MYO16: variants seen among roughly 807,000 people sequenced by gnomAD.
MYO16 encodes myosin XVI, also known as unconventional myosin-XVI.
MYO16 carries 94 observed loss-of-function variants against 205.3 expected under a neutral mutation model. That is an observed-to-expected ratio of 0.46 (90% CI 0.39 to 0.54). The LOEUF is 0.54. MYO16 is among the 20% of genes least tolerant of loss of function. The probability of loss-of-function intolerance (pLI) is 0.00; values close to 1 mark genes in which losing one functional copy is unlikely to be tolerated. For missense variants in MYO16, 2,315 were observed against 2,387.5 expected, an observed-to-expected ratio of 0.97 and a Z score of 0.63; for synonymous variants, 988 against 954.0, an observed-to-expected ratio of 1.04 and a Z score of -0.66.
intron 6 of MYO16, among the ~76,000 whole-genome samples, chr13:108,803,817 A>G (rs543143640): frequency 6.6e-6 from 1 of 152,312 alleles, no homozygotes; most frequent in South Asian, 2.1e-4. Flanking sequence ...AGCCATGGGA[A>G]GGCCAAAGCA....
the MYO16 span, among the ~76,000 whole-genome samples, chr13:108,553,398 A>G: frequency 6.6e-6 from 1 of 152,198 alleles, no homozygotes; most frequent in African/African-American, 2.4e-5. Context: ...AGGCTCTTTT[A>G]TATTTACCCT....
chr13:108,996,704 A>T (rs1357816379), intron 21 of MYO16, among the ~76,000 whole-genome samples: 1 of 152,168 alleles, frequency 6.6e-6, no homozygotes, highest in Non-Finnish European at 1.5e-5. Context: ...GATGGAGGTT[A>T]TTACATTATT....
At chr13:108,818,347 G>T (rs1875752878) in intron 7 of MYO16, among the ~76,000 whole-genome samples, 1 of 150,208 alleles carries the variant, frequency 6.7e-6, no homozygotes, top group Admixed American at 6.7e-5. Flanking sequence ...TGGCGCCACT[G>T]CACTCCAGCC....
At chr13:108,607,897 C>T (rs538565130) in intron 1 of MYO16, among the ~76,000 whole-genome samples, 30 of 152,302 alleles carry the variant, frequency 2.0e-4, no homozygotes, top group African/African-American at 7.0e-4. Flanking sequence ...TGGTTGTTCT[C>T]TTAGGGTTTC....
chr13:108,617,711 A>G (rs987564231), intron 1 of MYO16, among the ~76,000 whole-genome samples: 3 of 152,168 alleles, frequency 2.0e-5, no homozygotes, highest in Non-Finnish European at 4.4e-5. Flanking sequence ...TGTTTTCTCT[A>G]ATACCAGCAA....
intron 33 of MYO16, among the ~76,000 whole-genome samples, chr13:109,173,914 A>AAAAAAG (rs1879035711): frequency 8.0e-6 from 1 of 124,828 alleles, no homozygotes; most frequent in African/African-American, 3.0e-5. Context: ...AAAAAAAAAA[A>AAAAAAG]GAGTATCTCT....
chr13:108,599,129 A>T (rs910574817), intron 1 of MYO16, among the ~76,000 whole-genome samples: 1 of 151,004 alleles, frequency 6.6e-6, no homozygotes, highest in African/African-American at 2.4e-5. Context: ...ACTGAGAATG[A>T]TGATTTCCAA....
intron 1 of MYO16, among the ~76,000 whole-genome samples, chr13:108,658,950 G>A (rs952195028): frequency 6.6e-6 from 1 of 151,960 alleles, no homozygotes; most frequent in Non-Finnish European, 1.5e-5. Context: ...ATCACAGAGA[G>A]ATTTGCTTAA....
At position 109,199,937 on chromosome 13, in the gene MYO16, T is replaced by C. The variant is rs149772432; in HGVS notation, c.5416-6672T>C. On this transcript the variant is annotated intron_variant, in intron 34 of 34. Coordinates refer to ENST00000457511, the MANE Select transcript of MYO16 (RefSeq NM_001198950.3). ...TATTTTAAATGCTTTGTATTGTTTA[T>C]ATAGTACTGGACTGCCATTTAGATA... Among the ~76,000 whole-genome samples the C allele has an allele frequency of 2.4e-4, 37 of 152,366 alleles. 1 individual carries two copies. The highest frequency in any genetic ancestry group is 8.4e-4 in the African/African-American group (35 of 41,584).
chr13:109,166,118 A>G (rs980572084), intron 33 of MYO16, among the ~76,000 whole-genome samples: 1 of 152,228 alleles, frequency 6.6e-6, no homozygotes, highest in Non-Finnish European at 1.5e-5. Context: ...AAAAATTAAA[A>G]GCAGAGACGG....
chr13:108,575,728 G>A, the MYO16 span, among the ~76,000 whole-genome samples: 2 of 152,212 alleles, frequency 1.3e-5, no homozygotes, highest in East Asian at 1.9e-4. Context: ...CTGCCCGCCC[G>A]CGTATACATT....
At chr13:108,662,293 A>G (rs934072773) in intron 1 of MYO16, among the ~76,000 whole-genome samples, 1 of 152,220 alleles carries the variant, frequency 6.6e-6, no homozygotes, top group Non-Finnish European at 1.5e-5. Context: ...TCCAGAAAGC[A>G]TCAGCTGTAG....
chr13:108,773,107 G>A (rs12871233), intron 4 of MYO16, among the ~76,000 whole-genome samples: 12,111 of 152,150 alleles, frequency 0.08, 615 homozygotes, highest in Non-Finnish European at 0.12. Flanking sequence ...CGAGGGAGCC[G>A]TTTAGGGTCT....
rs755774839 is a variant in MYO16 at position 109,140,491 on chromosome 13, G to C, written c.4279G>C (p.Glu1427Gln). The C allele has an allele frequency of 6.5e-7, 1 of 1,545,240 alleles. No homozygotes were observed. Among genetic ancestry groups the C allele is most frequent in the Admixed American group, 1.9e-5 (1 of 52,814 alleles). Residue 1427 changes from glutamate (E) to glutamine (Q), a missense_variant, in exon 32 of 35, where the codon GAG becomes CAG. By Grantham distance (29) the Glu-to-Gln change is conservative (BLOSUM62 2). Coordinates refer to ENST00000457511, the MANE Select transcript of MYO16 (RefSeq NM_001198950.3). The surrounding 1 kb of genome is among the most constrained non-coding windows in gnomAD (Gnocchi z 8.0). Reference protein sequence around the residue: ...ALPPAAPPGDEDDSEPVYIEM... With the variant: ...ALPPAAPPGDQDDSEPVYIEM... ...GCCCCCGGCGGCGCCTCCGGGTGAC[G>C]AGGACGACAGCGAGCCTGTGTACAT... is the stretch of plus-strand genomic sequence containing the variant.
At chr13:108,917,768 G>C (rs1049857168) in intron 16 of MYO16, among the ~76,000 whole-genome samples, 1 of 152,198 alleles carries the variant, frequency 6.6e-6, no homozygotes, top group Admixed American at 6.5e-5. Context: ...CAAAAATTCA[G>C]ACTTCTACAT....
At position 109,136,171 on chromosome 13, in the gene MYO16, G is replaced by T. The variant is rs144740883; in HGVS notation, c.4052-4093G>T. Among the ~76,000 whole-genome samples the T allele has an allele frequency of 1.4e-4, 21 of 151,668 alleles. No individual in the cohort carries two copies. The East Asian group carries it at 2.1e-3, about 15-fold the overall frequency. ...TGCAGTGGCGCAATCTTGGTTCTCC[G>T]CAACCTCCACCTCCCAGGATCAAGT... On this transcript the variant is annotated intron_variant, in intron 31 of 34. Transcript: ENST00000457511.
intron 32 of MYO16, among the ~76,000 whole-genome samples, chr13:109,151,184 A>G (rs1253119706): frequency 6.6e-6 from 1 of 151,974 alleles, no homozygotes; most frequent in African/African-American, 2.4e-5. Context: ...CGCCATCGAG[A>G]GTGAGCTATA....
intron 27 of MYO16, among the ~76,000 whole-genome samples, chr13:109,071,423 T>C (rs910055899): frequency 6.6e-6 from 1 of 152,094 alleles, no homozygotes; most frequent in Non-Finnish European, 1.5e-5. Context: ...ATGAGGAAAA[T>C]ACTTTAATAG....
intron 32 of MYO16, among the ~76,000 whole-genome samples, chr13:109,148,477 A>C (rs190505314): frequency 1.3e-4 from 20 of 152,362 alleles, no homozygotes; most frequent in Non-Finnish European, 1.0e-4. Flanking sequence ...CAAAACACTG[A>C]TAAACAAATC....
Sources: gnomAD v4.1 joint callset for allele counts (sites outside exome capture counted in the v4.1 genomes callset) on GRCh38, gnomAD v4.1.1 for gene constraint, Gnocchi (gnomAD v3.1) non-coding constraint, MANE v1.5 for transcripts, NCBI Gene and HGNC (gene_info 2026-07-23, HGNC 2026-07-21) for gene names.